The following BRWD3 variants were observed in gnomAD, a reference collection of about 807,000 sequenced individuals.
The protein encoded by BRWD3 is bromodomain and WD repeat domain containing 3.
BRWD3 carries 10 observed loss-of-function variants against 149.7 expected under a neutral mutation model. That is an observed-to-expected ratio of 0.07 (90% CI 0.04 to 0.11). The LOEUF (loss-of-function observed/expected upper bound fraction) is 0.11. Among genes scored for constraint, BRWD3 ranks in the 10% least tolerant of loss-of-function variants. The pLI is 1.00. For missense variants in BRWD3, 940 were observed against 1,373.2 expected, an observed-to-expected ratio of 0.68 and a Z score of 4.99; for synonymous variants, 504 against 456.7, an observed-to-expected ratio of 1.10 and a Z score of -1.32.
At chrX:80,760,409 C>A (rs776113034) in intron 6 of BRWD3, among the ~76,000 whole-genome samples, 1 of 111,619 alleles carries the variant, frequency 9.0e-6, no homozygotes, top group East Asian at 2.8e-4. Flanking sequence ...AAACTGAATA[C>A]AATTCAAATA....
At chrX:80,725,816 C>T (rs56386414) in intron 14 of BRWD3, among the ~76,000 whole-genome samples, 3,794 of 86,689 alleles carry the variant, frequency 0.044, 136 homozygotes, top group South Asian at 0.24. Flanking sequence ...GTGTTACATG[C>T]CTATATAACA....
chrX:80,770,553 G>A (rs3132152), intron 6 of BRWD3, among the ~76,000 whole-genome samples: 1 of 110,066 alleles, frequency 9.1e-6, no homozygotes, highest in African/African-American at 3.3e-5. Flanking sequence ...ATTCAACAAC[G>A]CTTCATGCTA....
chrX:80,688,110 C>G lies in BRWD3; in HGVS notation c.3823G>C (p.Asp1275His). The G allele has an allele frequency of 8.3e-7, 1 of 1,201,525 alleles. No individual in the cohort carries two copies. The highest frequency in any genetic ancestry group is 1.1e-6 in the Non-Finnish European group (1 of 886,572). Residue 1275 changes from aspartate (D) to histidine (H), a missense_variant, in exon 34 of 41, where the codon GAT becomes CAT. Transcript: ENST00000373275. ...GTACCAGGACCGTCTGAATCTAAAT[C>G]AACAATTTCTGTATCCTTAATTAAA... Reference protein sequence around the residue: ...TDAEEDTEIVDLDSDGPGTSS... With the variant: ...TDAEEDTEIVHLDSDGPGTSS...
At chrX:80,681,546 A>AG (rs771705420) in intron 39 of BRWD3, 47 bp from the exon 40 acceptor site, 28 of 1,070,138 alleles carry the variant, frequency 2.6e-5, no homozygotes, top group Non-Finnish European at 3.2e-5. Flanking sequence ...TCATGTTTTC[A>AG]GGAAAGTTAA....
intron 4 of BRWD3, among the ~76,000 whole-genome samples, chrX:80,804,558 G>A (rs900233864): frequency 1.8e-5 from 2 of 111,592 alleles, no homozygotes; most frequent in African/African-American, 6.5e-5. Flanking sequence ...CTTATGATAC[G>A]AGACTCCTAA....
At position 80,691,974 on chromosome X, in the gene BRWD3, G is replaced by C; in HGVS notation, c.3330C>G (p.Ala1110=). 2 of 1,202,225 alleles carry C rather than the reference G, an allele frequency of 1.7e-6. No individual in the cohort carries two copies. The highest frequency in any genetic ancestry group is 2.2e-6 in the Non-Finnish European group (2 of 890,658). ...CACCAGCACCAACTTCATCTGGAAA[G>C]GCAGCTAGGTATAAGATAAAAAAAA... ...WDMEPIPEGT[A]FPDEVGAGVP... is the part of the protein sequence containing the mutation. The change falls in exon 30 of 41, where the codon GCC becomes GCG. Residue 1110 remains alanine, a synonymous_variant. Transcript: ENST00000373275.
chrX:80,710,210 T>A, intron 20 of BRWD3: 1 of 447,222 alleles, frequency 2.2e-6, no homozygotes, highest in South Asian at 2.8e-5. Flanking sequence ...CAGATTTGTA[T>A]CTGATAGACC....
chrX:80,798,761 C>T (rs1287753274), intron 4 of BRWD3, among the ~76,000 whole-genome samples: 1 of 111,622 alleles, frequency 9.0e-6, no homozygotes, highest in Non-Finnish European at 1.9e-5. Flanking sequence ...GTGAGACCTC[C>T]ATCTCTACCA....
At position 80,752,119 on chromosome X, in the gene BRWD3, C is replaced by A. The variant is rs188991000; in HGVS notation, c.431-6390G>T. Among the ~76,000 whole-genome samples the A allele has an allele frequency of 8.3e-5, 9 of 108,127 alleles. No homozygotes were observed. In the East Asian group the frequency reaches 2.3e-3, roughly 28 times the overall value. 93.9% of individuals were successfully genotyped at this position (108,127 alleles called of 115,157 possible). A position where few individuals can be genotyped will look rare whatever the true frequency, so the allele number is the denominator to read the frequency against. ...CCAAGACCTCCTGGGCTCAACTGATCCTCCCACCTCAGCCTCCTGAGTTGC... is the reference window on the plus strand; with the variant it reads ...CCAAGACCTCCTGGGCTCAACTGATACTCCCACCTCAGCCTCCTGAGTTGC... On this transcript the variant is annotated intron_variant, in intron 6 of 40. Coordinates refer to ENST00000373275, the MANE Select transcript of BRWD3 (RefSeq NM_153252.5).
chrX:80,722,631 G>A lies in BRWD3; in HGVS notation c.1807C>T (p.Arg603Trp), dbSNP rs866864028. The A allele has an allele frequency of 4.1e-6, 5 of 1,211,620 alleles. No homozygotes were observed. Among genetic ancestry groups the A allele is most frequent in the Admixed American group, 2.2e-5 (1 of 46,016 alleles). ...DGNPHPTKFQ[R>W]LVPGRENCKD... ...CAATTTTCCCGTCCTGGTACCAACC[G>A]TTGGAATTTTGTGGGATGAGGATTT... is the stretch of plus-strand genomic sequence containing the variant. The change falls in exon 17 of 41, where the codon CGG becomes TGG. Residue 603 changes from arginine (R) to tryptophan (W), a missense_variant. By Grantham distance (101) the Arg-to-Trp change is moderately radical. Coordinates refer to ENST00000373275, the MANE Select transcript of BRWD3 (RefSeq NM_153252.5).
intron 20 of BRWD3, among the ~76,000 whole-genome samples, chrX:80,712,509 C>A (rs1160238768): frequency 4.5e-5 from 5 of 110,707 alleles, no homozygotes; most frequent in African/African-American, 1.6e-4. Context: ...CAACCTCCAC[C>A]TCCCAGCCGC....
At chrX:80,730,429 G>GAA (rs1458540323) in intron 12 of BRWD3, among the ~76,000 whole-genome samples, 4 of 108,996 alleles carry the variant, frequency 3.7e-5, no homozygotes, top group East Asian at 2.9e-4. Context: ...AAGAAAGAAA[G>GAA]AAAGAAAGAA....
intron 4 of BRWD3, among the ~76,000 whole-genome samples, chrX:80,801,865 T>C (rs2074301236): frequency 9.1e-6 from 1 of 109,374 alleles, no homozygotes; most frequent in Non-Finnish European, 1.9e-5. Context: ...CAATAATATA[T>C]AGAAAATAAA....
chrX:80,688,379 G>T (rs763451342), intron 33 of BRWD3, among the ~76,000 whole-genome samples: 14 of 111,347 alleles, frequency 1.3e-4, no homozygotes, highest in African/African-American at 3.9e-4. Flanking sequence ...GGGGAACAGT[G>T]TAGTGGTTGG....
intron 24 of BRWD3, among the ~76,000 whole-genome samples, chrX:80,700,567 T>A (rs1395473325): frequency 1.9e-5 from 2 of 103,668 alleles, no homozygotes; most frequent in Non-Finnish European, 3.9e-5. Context: ...CAAAACCCCA[T>A]CTCTAATAAA....
intron 22 of BRWD3, among the ~76,000 whole-genome samples, chrX:80,705,785 A>C (rs1247835616): frequency 8.9e-6 from 1 of 111,969 alleles, no homozygotes; most frequent in Non-Finnish European, 1.9e-5. Flanking sequence ...TACAGTAAAA[A>C]TATGACGTAA....
chrX:80,719,425 T>G (rs1372610077), intron 18 of BRWD3, 64 bp downstream of exon 18: 1 of 1,020,765 alleles, frequency 9.8e-7, no homozygotes, highest in African/African-American at 1.9e-5. Context: ...CATGTAATTA[T>G]TTGGTAAAAG....
At chrX:80,718,656 T>C (rs749699217) in intron 18 of BRWD3, among the ~76,000 whole-genome samples, 4 of 111,929 alleles carry the variant, frequency 3.6e-5, no homozygotes, top group East Asian at 2.8e-4. Flanking sequence ...TATGAGATAT[T>C]GAAGACATCA....
intron 27 of BRWD3, among the ~76,000 whole-genome samples, chrX:80,694,467 C>G (rs1158133821): frequency 9.0e-6 from 1 of 110,823 alleles, no homozygotes; most frequent in Non-Finnish European, 1.9e-5. Context: ...AATGGCAGAT[C>G]CACCGACAAC....
Sources: gnomAD v4.1 joint callset for allele counts (sites outside exome capture counted in the v4.1 genomes callset) on GRCh38, gnomAD v4.1.1 for gene constraint, MANE v1.5 for transcripts, NCBI Gene and HGNC (gene_info 2026-07-23, HGNC 2026-07-21) for gene names.